The following TMEM108 variants were observed in gnomAD, a reference collection of about 807,000 sequenced individuals.
TMEM108 encodes transmembrane protein 108.
TMEM108 carries 12 observed loss-of-function variants against 35.1 expected under a neutral mutation model. The observed-to-expected ratio is 0.34, with a 90% CI of 0.22 to 0.55. The LOEUF (loss-of-function observed/expected upper bound fraction) is 0.55. TMEM108 is among the 20% of genes least tolerant of loss of function. The pLI is 0.89. For synonymous variants in TMEM108, 287 were observed against 308.6 expected (o/e 0.93, Z 0.73); for missense variants, 680 against 753.3 (o/e 0.90, Z 1.14).
chr3:133,355,408 G>A (rs144086957), intron 3 of TMEM108, among the ~76,000 whole-genome samples: 188 of 152,156 alleles, frequency 1.2e-3, no homozygotes, highest in African/African-American at 4.5e-3. Flanking sequence ...GGTGAATATT[G>A]GTTGTAGTTG....
chr3:133,053,092 A>T (rs972727225), intron 2 of TMEM108, among the ~76,000 whole-genome samples: 1 of 152,100 alleles, frequency 6.6e-6, no homozygotes, highest in Non-Finnish European at 1.5e-5. Flanking sequence ...ATATTATTCT[A>T]TTGGGATCAG....
intron 3 of TMEM108, among the ~76,000 whole-genome samples, chr3:133,350,252 A>T (rs1428877134): frequency 6.6e-6 from 1 of 152,140 alleles, no homozygotes; most frequent in Non-Finnish European, 1.5e-5. Flanking sequence ...AGAAGCAAAG[A>T]GTAGAACAGT....
At chr3:133,078,140 A>AGTGTGTGTGTGTGTGTGTGTGTGTGT (rs745912251) in intron 2 of TMEM108, among the ~76,000 whole-genome samples, 1,071 of 106,138 alleles carry the variant, frequency 0.01, 20 homozygotes, top group African/African-American at 0.024. Flanking sequence ...TATGGAGCTC[A>AGTGTGTGTGTGTGTGTGTGTGTGTGT]GTGTGTGTGT....
At position 133,380,435 on chromosome 3, in the gene TMEM108, T is replaced by C. The variant is rs1252566086; in HGVS notation, c.724T>C (p.Trp242Arg). 2 of 1,614,022 alleles carry C rather than the reference T, an allele frequency of 1.2e-6. No individual in the cohort carries two copies. The highest frequency in any genetic ancestry group is 1.1e-5 in the South Asian group (1 of 91,084). Residue 242 changes from tryptophan (W) to arginine (R), a missense_variant, in exon 4 of 6, where the codon TGG (tryptophan) becomes CGG (arginine). Trp to Arg is a moderately radical substitution (Grantham distance 101, BLOSUM62 -3). Coordinates refer to ENST00000321871, the MANE Select transcript of TMEM108 (RefSeq NM_023943.4). This position sits in a 1 kb window ranked among gnomAD's most constrained non-coding sequence, Gnocchi z 5.3. The part of the protein sequence containing the change: ...PSTLTPRTPL[W>R]GYSSSPQPQT... ...TACCCTCACCCCCAGGACCCCACTCTGGGGCTACTCCTCTTCACCACAGCC... is the reference window on the plus strand; with the variant it reads ...TACCCTCACCCCCAGGACCCCACTCCGGGGCTACTCCTCTTCACCACAGCC...
chr3:133,213,075 T>C (rs1191905389), intron 2 of TMEM108, among the ~76,000 whole-genome samples: 28 of 152,164 alleles, frequency 1.8e-4, no homozygotes, highest in Admixed American at 1.8e-3. Context: ...TAAAAAAGCC[T>C]GAGAGACATT....
At chr3:133,093,328 C>G (rs1943972959) in intron 2 of TMEM108, among the ~76,000 whole-genome samples, 1 of 152,188 alleles carries the variant, frequency 6.6e-6, no homozygotes, top group African/African-American at 2.4e-5. Context: ...TGAAGTCCCA[C>G]TTGGGTGGGG....
chr3:133,167,855 G>A (rs938950024), intron 2 of TMEM108, among the ~76,000 whole-genome samples: 2 of 152,202 alleles, frequency 1.3e-5, no homozygotes, highest in Admixed American at 1.3e-4. Flanking sequence ...GCAGCGGCGG[G>A]CTGGGCTCCT....
intron 3 of TMEM108, among the ~76,000 whole-genome samples, chr3:133,261,401 A>G (rs1044894217): frequency 6.6e-6 from 1 of 152,216 alleles, no homozygotes; most frequent in African/African-American, 2.4e-5. Context: ...CTACAGCAGT[A>G]ATAACTTAGA....
chr3:133,301,582 A>G (rs1048211124), intron 3 of TMEM108, among the ~76,000 whole-genome samples: 1 of 152,198 alleles, frequency 6.6e-6, no homozygotes, highest in Non-Finnish European at 1.5e-5. Context: ...CGGCTAGCTC[A>G]CTTGTTAATA....
intron 3 of TMEM108, among the ~76,000 whole-genome samples, chr3:133,292,756 T>C (rs1947090672): frequency 6.6e-6 from 1 of 152,222 alleles, no homozygotes; most frequent in Admixed American, 6.5e-5. Flanking sequence ...ACAACTCCCC[T>C]GCTGTAAAAT....
chr3:133,098,257 A>T (rs980365486), intron 2 of TMEM108, among the ~76,000 whole-genome samples: 3 of 152,186 alleles, frequency 2.0e-5, no homozygotes, highest in African/African-American at 2.4e-5. Flanking sequence ...TGGAAACCCC[A>T]GATAAACCAA....
chr3:133,305,536 AAAAG>A (rs926878764), intron 3 of TMEM108, among the ~76,000 whole-genome samples: 6 of 151,804 alleles, frequency 4.0e-5, no homozygotes, highest in Non-Finnish European at 5.9e-5. Context: ...ATAAATAAAT[AAAAG>A]AAAGATGCCT....
intron 2 of TMEM108, among the ~76,000 whole-genome samples, chr3:133,101,853 CA>C (rs1242771255): frequency 1.3e-5 from 2 of 152,194 alleles, no homozygotes. Flanking sequence ...ATGTCACTTA[CA>C]AGTTCCAGTT....
In TMEM108 at chr3:133,217,337, T is replaced by C. The variant is rs374944615; in HGVS notation, c.-46-11929T>C. Among the ~76,000 whole-genome samples the C allele has an allele frequency of 2.0e-4, 30 of 152,164 alleles. No individual in the cohort carries two copies. The South Asian group carries it at 5.2e-3, about 26-fold the overall frequency. On this transcript the variant is annotated intron_variant, in intron 2 of 5. Transcript: ENST00000321871. Reference sequence around the variant, plus strand: ...TATTTTGTATATTAATCCTTTATCATATGCACAGTTTTCAAATACATTTTC... The same window carrying C: ...TATTTTGTATATTAATCCTTTATCACATGCACAGTTTTCAAATACATTTTC...
chr3:133,377,386 C>T (rs2072875041), intron 3 of TMEM108, among the ~76,000 whole-genome samples: 1 of 152,126 alleles, frequency 6.6e-6, no homozygotes, highest in Non-Finnish European at 1.5e-5. Flanking sequence ...CCAGAATAAC[C>T]CTGAGCAGGT....
chr3:133,197,891 T>C (rs1331348975), intron 2 of TMEM108, among the ~76,000 whole-genome samples: 10 of 152,216 alleles, frequency 6.6e-5, no homozygotes, highest in Non-Finnish European at 7.3e-5. Context: ...CTCTGGTTTG[T>C]TAGAAGCCTC....
At chr3:133,310,416 T>G (rs1285836040) in intron 3 of TMEM108, among the ~76,000 whole-genome samples, 113 of 148,728 alleles carry the variant, frequency 7.6e-4, no homozygotes, top group African/African-American at 1.6e-3. Flanking sequence ...TTTAGGATAA[T>G]TAGCTCTTCT....
intron 2 of TMEM108, among the ~76,000 whole-genome samples, chr3:133,205,433 G>C (rs530009248): frequency 1.3e-5 from 2 of 152,080 alleles, no homozygotes; most frequent in East Asian, 3.8e-4. Context: ...TTTTTGGAGT[G>C]GCTGGTACTG....
chr3:133,373,894 C>T (rs1438619458), intron 3 of TMEM108, among the ~76,000 whole-genome samples: 1 of 152,232 alleles, frequency 6.6e-6, no homozygotes, highest in Admixed American at 6.5e-5. Flanking sequence ...AGGCAGCTCT[C>T]ATCTGGGATC....
Sources: allele counts gnomAD v4.1 joint callset (sites outside exome capture counted in the v4.1 genomes callset), GRCh38; gene constraint gnomAD v4.1.1; non-coding constraint Gnocchi (gnomAD v3.1); transcripts MANE v1.5; gene names NCBI Gene and HGNC (gene_info 2026-07-23, HGNC 2026-07-21).